Variants in WDR59 observed in about 807,000 individuals in gnomAD.
WDR59 encodes WD repeat domain 59.
WDR59 carries 100 observed loss-of-function variants against 131.2 expected under a neutral mutation model. The observed-to-expected ratio is 0.76, with a 90% CI of 0.65 to 0.90. WDR59 has a LOEUF of 0.90. Among genes scored for constraint, WDR59 ranks in the 40% least tolerant of loss-of-function variants. The probability of loss-of-function intolerance (pLI) is 0.00; values close to 1 mark genes in which losing one functional copy is unlikely to be tolerated. For missense variants in WDR59, 1,203 were observed against 1,262.2 expected (o/e 0.95, Z 0.71); for synonymous variants, 601 against 466.2 (o/e 1.29, Z -3.72).
At chr16:74,977,918 A>G (rs1310030793) in intron 1 of WDR59, among the ~76,000 whole-genome samples, 3 of 152,136 alleles carry the variant, frequency 2.0e-5, no homozygotes, top group Non-Finnish European at 4.4e-5. Context: ...AGGCTAAGCA[A>G]AAGACGCCAG....
intron 17 of WDR59, among the ~76,000 whole-genome samples, chr16:74,906,120 C>A (rs2144902137): frequency 6.6e-6 from 1 of 151,804 alleles, no homozygotes; most frequent in Non-Finnish European, 1.5e-5. Context: ...CGAGACCATC[C>A]TGGCTAACAC....
intron 25 of WDR59, among the ~76,000 whole-genome samples, chr16:74,880,086 G>A (rs1356384633): frequency 6.6e-6 from 1 of 152,054 alleles, no homozygotes; most frequent in Non-Finnish European, 1.5e-5. Flanking sequence ...TGATATACAT[G>A]GATAGATCAG....
Position 74,956,587 on chromosome 16 carries a change from T to C in WDR59, c.128A>G (p.Asn43Ser). 9 of 1,614,102 alleles carry C rather than the reference T, an allele frequency of 5.6e-6. No individual in the cohort carries two copies. Among genetic ancestry groups the C allele is most frequent in the Admixed American group, 1.7e-5 (1 of 59,982 alleles). ...GTGACCTTCGAAAGGGGCATCTAGATTGACGATGTATAAGAATCTGCGGCT... is the reference window on the plus strand; with the variant it reads ...GTGACCTTCGAAAGGGGCATCTAGACTGACGATGTATAAGAATCTGCGGCT... ...LSGRRFLYIV[N>S]LDAPFEGHRK... Residue 43 changes from asparagine to serine, a missense_variant, in exon 3 of 26, where the codon AAT becomes AGT. Physicochemically the swap from Asn to Ser is conservative, Grantham distance 46. Coordinates refer to ENST00000262144, the MANE Select transcript of WDR59 (RefSeq NM_030581.4).
At chr16:74,914,092 A>T (rs1272347690) in intron 13 of WDR59, among the ~76,000 whole-genome samples, 2 of 152,148 alleles carry the variant, frequency 1.3e-5, no homozygotes. Context: ...TGCGCCCATA[A>T]TCCCAGCTAT....
chr16:74,881,945 A>G (rs753847292), intron 25 of WDR59, among the ~76,000 whole-genome samples: 1 of 152,072 alleles, frequency 6.6e-6, no homozygotes, highest in Non-Finnish European at 1.5e-5. Flanking sequence ...CTGTGAGTCC[A>G]TCTTTCACAA....
intron 13 of WDR59, among the ~76,000 whole-genome samples, chr16:74,913,354 C>A (rs887325836): frequency 2.0e-5 from 3 of 151,974 alleles, no homozygotes; most frequent in South Asian, 2.1e-4. Flanking sequence ...GCAACCTCCA[C>A]CTTCTGGGTT....
intron 18 of WDR59, among the ~76,000 whole-genome samples, chr16:74,902,099 A>T (rs778740471): frequency 5.9e-5 from 9 of 152,150 alleles, no homozygotes; most frequent in Non-Finnish European, 1.2e-4. Context: ...CTATTTCTTG[A>T]CCTGTGTGAT....
intron 2 of WDR59, among the ~76,000 whole-genome samples, chr16:74,958,620 A>AAAAAAAAAAAAAAAAAAAAAAAAAAC (rs1199806175): frequency 7.1e-6 from 1 of 141,148 alleles, no homozygotes; most frequent in Non-Finnish European, 1.5e-5. Flanking sequence ...AAAAAAAAAA[A>AAAAAAAAAAAAAAAAAAAAAAAAAAC]CAAGCTAAAT....
At chr16:74,982,968 G>A (rs888866683) in intron 1 of WDR59, among the ~76,000 whole-genome samples, 3 of 152,216 alleles carry the variant, frequency 2.0e-5, no homozygotes, top group African/African-American at 7.2e-5. Context: ...TACCTGAAGG[G>A]AGCTCAGTAA....
At chr16:74,914,594 ATT>A (rs34327012) in intron 13 of WDR59, among the ~76,000 whole-genome samples, 2,876 of 136,998 alleles carry the variant, frequency 0.021, 56 homozygotes, top group African/African-American at 0.06. Context: ...ACAGCAGACT[ATT>A]TTTTTTTTTT....
intron 25 of WDR59, among the ~76,000 whole-genome samples, chr16:74,879,521 T>C (rs879870378): frequency 1.3e-5 from 2 of 152,176 alleles, no homozygotes; most frequent in Non-Finnish European, 2.9e-5. Context: ...AGAACAAGAA[T>C]TACTTAGCAG....
At chr16:74,945,110 C>G (rs1273386055) in intron 6 of WDR59, among the ~76,000 whole-genome samples, 1 of 151,728 alleles carries the variant, frequency 6.6e-6, no homozygotes, top group Non-Finnish European at 1.5e-5. Context: ...GCCGACAGAG[C>G]AAGACTCCAT....
chr16:74,920,691 T>C (rs1040918700), intron 10 of WDR59, among the ~76,000 whole-genome samples: 6 of 152,220 alleles, frequency 3.9e-5, no homozygotes, highest in African/African-American at 1.4e-4. Context: ...GTGCCTGGCC[T>C]AAAATACATT....
chr16:74,900,556 G>A (rs1212727924), intron 18 of WDR59, among the ~76,000 whole-genome samples: 2 of 152,022 alleles, frequency 1.3e-5, no homozygotes, highest in African/African-American at 4.8e-5. Context: ...CTAAGTTCTG[G>A]GCCTTCTGAT....
At chr16:74,925,050 G>A (rs1359539671) in intron 8 of WDR59, among the ~76,000 whole-genome samples, 1 of 152,070 alleles carries the variant, frequency 6.6e-6, no homozygotes, top group Non-Finnish European at 1.5e-5. Flanking sequence ...TGTTTATAGT[G>A]GCTCTATTCA....
chr16:74,951,334 G>T, intron 4 of WDR59, 124 bp downstream of exon 4: 1 of 922,296 alleles, frequency 1.1e-6, no homozygotes, highest in South Asian at 1.5e-5. Flanking sequence ...ATAACCCGCT[G>T]ACCACCCGGG....
chr16:74,882,139 C>A (rs890807437), intron 25 of WDR59, among the ~76,000 whole-genome samples: 1 of 152,202 alleles, frequency 6.6e-6, no homozygotes, highest in Non-Finnish European at 1.5e-5. Context: ...TCCCGCATGA[C>A]ACTTTATAAT....
chr16:74,929,966 G>A (rs2031231663), intron 8 of WDR59, among the ~76,000 whole-genome samples: 1 of 152,138 alleles, frequency 6.6e-6, no homozygotes, highest in South Asian at 2.1e-4. Context: ...CTCATTTGTG[G>A]GAGCTAAAAA....
intron 18 of WDR59, among the ~76,000 whole-genome samples, chr16:74,894,575 GATTCC>G (rs1965199822): frequency 6.6e-6 from 1 of 152,084 alleles, no homozygotes; most frequent in African/African-American, 2.4e-5. Context: ...CAAGGAGCAG[GATTCC>G]ATTTTATTGC....
Sources: allele counts gnomAD v4.1 joint callset (sites outside exome capture counted in the v4.1 genomes callset), GRCh38; gene constraint gnomAD v4.1.1; transcripts MANE v1.5; gene names NCBI Gene and HGNC (gene_info 2026-07-23, HGNC 2026-07-21).